COL15A1: variants seen among roughly 807,000 people sequenced by gnomAD.
COL15A1 encodes the protein collagen type XV alpha 1 chain, also known as collagen alpha-1(XV) chain.
Under a neutral mutation model 165.9 loss-of-function variants are expected in COL15A1, and 111 were observed. That is an observed-to-expected ratio of 0.67 (90% CI 0.57 to 0.78). The LOEUF is 0.78. Among genes scored for constraint, COL15A1 ranks in the 30% least tolerant of loss-of-function variants. COL15A1 has a pLI of 0.00. For missense variants in COL15A1, 1,745 were observed against 1,789.7 expected, an observed-to-expected ratio of 0.98 and a Z score of 0.45; for synonymous variants, 659 against 674.8, an observed-to-expected ratio of 0.98 and a Z score of 0.36.
chr9:99,015,921 C>G (rs1838926460), intron 10 of COL15A1, 55 bp from the exon 11 acceptor site: 2 of 1,589,862 alleles, frequency 1.3e-6, no homozygotes, highest in South Asian at 2.3e-5. Context: ...TTACAACTCC[C>G]TGGCAGCCTC....
chr9:99,023,272 C>T, intron 13 of COL15A1, 85 bp from the exon 14 acceptor site: 2 of 1,469,070 alleles, frequency 1.4e-6, no homozygotes, highest in South Asian at 2.8e-5. Flanking sequence ...GAAACATTTC[C>T]CCATTTTGGA....
At chr9:99,004,823 C>G in intron 8 of COL15A1, 75 bp from the exon 9 acceptor site, 3 of 1,577,920 alleles carry the variant, frequency 1.9e-6, no homozygotes, top group Admixed American at 3.4e-5. Flanking sequence ...GGGCCCTGGC[C>G]TTCTGTTCCT....
chr9:98,987,993 G>C (rs1838346110), intron 4 of COL15A1, among the ~76,000 whole-genome samples: 1 of 152,160 alleles, frequency 6.6e-6, no homozygotes, highest in African/African-American at 2.4e-5. Flanking sequence ...GTGGGAGCAG[G>C]AGAGGAAAGA....
In COL15A1 at chr9:99,038,742, C is replaced by G; in HGVS notation, c.2475+9C>G. 6.3e-7 allele frequency: 1 copy of G among 1,574,938 alleles called. No homozygotes were observed. The highest frequency in any genetic ancestry group is 8.7e-7 in the Non-Finnish European group (1 of 1,144,528). On this transcript the variant is annotated intron_variant, in intron 22 of 41. Coordinates refer to ENST00000375001, the MANE Select transcript of COL15A1 (RefSeq NM_001855.5). ...AGCTGGTGGGGCCTCCGGTTGGTAT[C>G]TACAGCTGCCCCAGAATGTGGCTTT... is the stretch of plus-strand genomic sequence containing the variant.
At chr9:99,016,916 G>A (rs1838943982) in intron 11 of COL15A1, among the ~76,000 whole-genome samples, 1 of 152,268 alleles carries the variant, frequency 6.6e-6, no homozygotes, top group Non-Finnish European at 1.5e-5. Flanking sequence ...TGTGAGGGGA[G>A]GGGCTGTGGG....
intron 40 of COL15A1, 104 bp downstream of exon 40, chr9:99,067,171 C>A: frequency 1.0e-6 from 1 of 972,276 alleles, no homozygotes; most frequent in Non-Finnish European, 1.5e-6. Context: ...TTGACTTAAG[C>A]CTGCTCTCTC....
At chr9:99,060,627 T>C (rs1361994062) in intron 36 of COL15A1, among the ~76,000 whole-genome samples, 2 of 152,108 alleles carry the variant, frequency 1.3e-5, no homozygotes, top group Non-Finnish European at 2.9e-5. Flanking sequence ...GGCTCACTCC[T>C]GTAATCCCAG....
At chr9:98,984,108 C>G (rs1401075265) in intron 2 of COL15A1, among the ~76,000 whole-genome samples, 2 of 152,218 alleles carry the variant, frequency 1.3e-5, no homozygotes, top group African/African-American at 4.8e-5. Flanking sequence ...GGACACTGCT[C>G]GATTCTGATC....
intron 2 of COL15A1, among the ~76,000 whole-genome samples, chr9:98,976,278 G>T (rs1197334556): frequency 1.3e-5 from 2 of 152,226 alleles, no homozygotes; most frequent in Non-Finnish European, 2.9e-5. Context: ...AGACCGGTCA[G>T]ATGCAGCCCC....
intron 28 of COL15A1, among the ~76,000 whole-genome samples, chr9:99,048,823 A>G (rs989352067): frequency 2.2e-4 from 33 of 151,864 alleles, no homozygotes; most frequent in African/African-American, 7.0e-4. Flanking sequence ...CTTGTTTTAC[A>G]TAAGAGGATA....
At chr9:99,068,502 T>A in intron 40 of COL15A1, 53 bp from the exon 41 acceptor site, 9 of 586,452 alleles carry the variant, frequency 1.5e-5, no homozygotes, top group Non-Finnish European at 2.2e-5. Context: ...AAAATCTAAC[T>A]CATTTGTAGG....
At chr9:99,002,329 G>A (rs1838673632) in intron 7 of COL15A1, among the ~76,000 whole-genome samples, 1 of 151,882 alleles carries the variant, frequency 6.6e-6, no homozygotes, top group Admixed American at 6.6e-5. Flanking sequence ...GAGAAAATCA[G>A]ACACCAGTCC....
At chr9:99,017,025 T>C (rs143128692) in intron 11 of COL15A1, among the ~76,000 whole-genome samples, 3 of 152,344 alleles carry the variant, frequency 2.0e-5, no homozygotes, top group South Asian at 4.1e-4. Context: ...TAGAGTTGTC[T>C]TGCATTCATT....
chr9:99,000,800 A>G lies in COL15A1; in HGVS notation c.953-39A>G, dbSNP rs1373103803. On this transcript the variant is annotated intron_variant, in intron 6 of 41. Transcript: ENST00000375001. ...TACCTCATTCTTTTCCAAGACTGCA[A>G]AATGTAGTTATTGATAGCAGAATGC... 3 of 962,504 alleles carry G rather than the reference A, an allele frequency of 3.1e-6. No individual in the cohort carries two copies. The highest frequency in any genetic ancestry group is 1.8e-5 in the Admixed American group (1 of 55,358). The allele number at this position is 962,504 out of a possible 1,614,324, so 59.6% of individuals were successfully genotyped here.
At chr9:98,995,265 A>G (rs1031743661) in intron 5 of COL15A1, among the ~76,000 whole-genome samples, 9 of 151,328 alleles carry the variant, frequency 5.9e-5, no homozygotes, top group Non-Finnish European at 8.8e-5. Flanking sequence ...CTTGTTCACA[A>G]CCTCCCCTGG....
rs539924901 is a variant in COL15A1, at chr9:99,025,951, G to C, written c.2028G>C (p.Gly676=). Residue 676 remains glycine, a synonymous_variant, in exon 16 of 42, where the codon GGG becomes GGC. Transcript: ENST00000375001. ...PGVDGATGLP[G]MKGEKGARGP... ...TTGATGGAGCCACCGGCCTTCCCGG[G>C]ATGAAAGGGGAGAAGGTACGGGGAA... is the stretch of plus-strand genomic sequence containing the variant. 13 of 1,612,064 alleles carry C rather than the reference G, an allele frequency of 8.1e-6. No individual in the cohort carries two copies. In the African/African-American group the frequency reaches 1.7e-4, roughly 22 times the overall value.
At chr9:98,970,069 C>T (rs955987097) in intron 2 of COL15A1, among the ~76,000 whole-genome samples, 4 of 150,880 alleles carry the variant, frequency 2.7e-5, no homozygotes, top group African/African-American at 9.7e-5. Context: ...AAAGTCTCCC[C>T]AGGTGATTCT....
At chr9:99,065,211 G>A (rs935619998) in intron 39 of COL15A1, among the ~76,000 whole-genome samples, 3 of 152,172 alleles carry the variant, frequency 2.0e-5, no homozygotes, top group Non-Finnish European at 4.4e-5. Context: ...AGGGCTTGGT[G>A]GGATTAGAGG....
chr9:98,957,360 TACCTTAATTTTTATCTCAGTAA>T (rs1837794173), intron 2 of COL15A1, among the ~76,000 whole-genome samples: 2 of 152,276 alleles, frequency 1.3e-5, no homozygotes, highest in Admixed American at 1.3e-4. Context: ...GGTCTGCTGA[TACCTTAATTTTTATCTCAGTAA>T]GACCTGTGTT....
Sources: allele counts gnomAD v4.1 joint callset (sites outside exome capture counted in the v4.1 genomes callset), GRCh38; gene constraint gnomAD v4.1.1; transcripts MANE v1.5; gene names NCBI Gene and HGNC (gene_info 2026-07-23, HGNC 2026-07-21).